OPN4: variants seen among roughly 807,000 people sequenced by gnomAD.
OPN4 encodes the protein melanopsin.
OPN4 carries 43 observed loss-of-function variants against 49.5 expected under a neutral mutation model. That is an observed-to-expected ratio of 0.87 (90% CI 0.68 to 1.12). OPN4 has a LOEUF of 1.12. Among genes scored for constraint, OPN4 ranks in the 50% most tolerant of loss-of-function variants. The pLI is 0.00. For synonymous variants in OPN4, 263 were observed against 258.0 expected (o/e 1.02, Z -0.19); for missense variants, 657 against 643.9 (o/e 1.02, Z -0.22).
At position 86,665,798 on chromosome 10, in the gene OPN4, C is replaced by G. The variant is rs2803554; in HGVS notation, c.*47C>G. 11,761 of 1,474,168 alleles carry G rather than the reference C, an allele frequency of 8.0e-3. 692 individuals carry two copies. The African/African-American group carries it at 0.13, about 17-fold the overall frequency. The allele number at this position is 1,474,168 out of a possible 1,614,324, so 91.3% of individuals were successfully genotyped here. A position where few individuals can be genotyped will look rare whatever the true frequency, so the allele number is the denominator to read the frequency against. On this transcript the variant is annotated 3_prime_UTR_variant, in exon 10 of 10. Coordinates refer to ENST00000241891, the MANE Select transcript of OPN4 (RefSeq NM_033282.4). ...TCTTCTGAGACACATCCAGCCCCCC[C>G]ACGTCTCCCTCATATACACAGACCC...
rs368621732 is a variant in OPN4 at position 86,662,432 on chromosome 10, G to A, written c.1254G>A (p.Val418=). 25 of 1,545,766 alleles carry A rather than the reference G, an allele frequency of 1.6e-5. No individual in the cohort carries two copies. In the African/African-American group the frequency reaches 3.1e-4, roughly 19 times the overall value. The change falls in exon 8 of 10, where the codon GTG becomes GTA. Residue 418 remains valine, a splice_region_variant and synonymous_variant. Coordinates refer to ENST00000241891, the MANE Select transcript of OPN4 (RefSeq NM_033282.4). ...AGTCCCTGGGCTCGGAGAGTGAGGTGGTAAGGATGCTGGGCCCTCACCAGC... is the reference window on the plus strand; with the variant it reads ...AGTCCCTGGGCTCGGAGAGTGAGGTAGTAAGGATGCTGGGCCCTCACCAGC... The part of the protein sequence containing the change: ...RQESLGSESE[V]GWTHMEAAAV...
At position 86,665,789 on chromosome 10, in the gene OPN4, C is replaced by T. The variant is rs757283399; in HGVS notation, c.*38C>T. On this transcript the variant is annotated 3_prime_UTR_variant, in exon 10 of 10. Transcript: ENST00000241891. ...CTCTCCCTTTCTTCTGAGACACATC[C>T]AGCCCCCCCACGTCTCCCTCATATA... 4 of 1,554,284 alleles carry T rather than the reference C, an allele frequency of 2.6e-6. No homozygotes were observed. The highest frequency in any genetic ancestry group is 3.5e-6 in the Non-Finnish European group (4 of 1,126,806).
In OPN4 at chr10:86,658,672, C is replaced by T. The variant is rs747804720; in HGVS notation, c.613C>T (p.Pro205Ser). 5.0e-6 allele frequency: 8 copies of T among 1,612,626 alleles called. No individual in the cohort carries two copies. In the African/African-American group the frequency reaches 9.3e-5, roughly 19 times the overall value. Residue 205 changes from proline to serine, a missense_variant, in exon 4 of 10, where the codon CCC (proline) becomes TCC (serine). Physicochemically the swap from Pro to Ser is moderately conservative, Grantham distance 74. Transcript: ENST00000241891. ...CTATGCCCTGGCCTGGAGTCTGCCA[C>T]CCTTCTTCGGCTGGAGTAAGTGGGC... ...WLYALAWSLP[P>S]FFGWSAYVPE...
intron 5 of OPN4, 79 bp downstream of exon 5, chr10:86,659,547 C>T (rs866079382): frequency 2.0e-5 from 31 of 1,521,724 alleles, no homozygotes; most frequent in Non-Finnish European, 2.6e-5. Context: ...ACCACTCACA[C>T]CTGCACCAGC....
At chr10:86,657,548 C>T (rs573243612) in intron 2 of OPN4, among the ~76,000 whole-genome samples, 192 of 152,154 alleles carry the variant, frequency 1.3e-3, no homozygotes, top group African/African-American at 4.5e-3. Flanking sequence ...AGGAGGGAAG[C>T]GTGAGAAGCC....
At chr10:86,657,995 T>A in intron 2 of OPN4, 37 bp from the exon 3 acceptor site, 1 of 1,601,592 alleles carries the variant, frequency 6.2e-7, no homozygotes, top group Admixed American at 1.7e-5. Flanking sequence ...TCTGGAGGTG[T>A]CAGGAAGCGC....
chr10:86,660,096 G>C, intron 6 of OPN4, 37 bp downstream of exon 6: 2 of 1,609,188 alleles, frequency 1.2e-6, no homozygotes, highest in South Asian at 2.2e-5. Flanking sequence ...AGAGGCTGAA[G>C]GTGTGGGGGC....
At position 86,662,336 on chromosome 10, in the gene OPN4, C is replaced by T; in HGVS notation, c.1158C>T (p.Arg386=). The part of the protein sequence containing the change: ...RRHSRPYPSY[R]STHRSTLTSH... The stretch of plus-strand genomic sequence containing the variant: ...ACAGTCGCCCCTACCCCAGCTACCG[C>T]TCCACCCACCGCTCCACGCTGACCA... The change falls in exon 8 of 10, where the codon CGC becomes CGT. Residue 386 remains arginine (R), a synonymous_variant. Coordinates refer to ENST00000241891, the MANE Select transcript of OPN4 (RefSeq NM_033282.4). 6.2e-7 allele frequency: 1 copy of T among 1,600,492 alleles called. No homozygotes were observed. Among genetic ancestry groups the T allele is most frequent in the Non-Finnish European group, 8.5e-7 (1 of 1,175,024 alleles).
In OPN4 at chr10:86,663,771, C is replaced by A. The variant is rs771260815; in HGVS notation, c.1367C>A (p.Pro456His). 9.0e-6 allele frequency: 14 copies of A among 1,558,236 alleles called. No homozygotes were observed. The highest frequency in any genetic ancestry group is 1.7e-4 in the Middle Eastern group (1 of 6,010). ...EDLEAKAPPRPQGHEAETPGK... is the reference protein window; with the variant it reads ...EDLEAKAPPRHQGHEAETPGK... ...TTGGAAGCCAAGGCACCCCCCAGAC[C>A]CCAGGGACACGAAGCAGAGACTCCA... Residue 456 changes from proline to histidine, a missense_variant, in exon 9 of 10, where the codon CCC becomes CAC. By Grantham distance (77) the Pro-to-His change is moderately conservative. Coordinates refer to ENST00000241891, the MANE Select transcript of OPN4 (RefSeq NM_033282.4).
intron 9 of OPN4, among the ~76,000 whole-genome samples, chr10:86,664,239 C>T (rs1030913530): frequency 2.6e-5 from 4 of 152,218 alleles, no homozygotes; most frequent in Admixed American, 2.6e-4. Flanking sequence ...CGTGACTAAG[C>T]ATGCCCTAAT....
chr10:86,655,915 T>C (rs1045848691), intron 1 of OPN4, among the ~76,000 whole-genome samples: 1 of 152,176 alleles, frequency 6.6e-6, no homozygotes, highest in African/African-American at 2.4e-5. Context: ...CAGCAGGTGA[T>C]CTGAGCCCAC....
chr10:86,658,725 G>A lies in OPN4; in HGVS notation c.628+38G>A, dbSNP rs750586389. 10 of 1,598,600 alleles carry A rather than the reference G, an allele frequency of 6.3e-6. No homozygotes were observed. In the South Asian group the frequency reaches 1.1e-4, roughly 18 times the overall value. On this transcript the variant is annotated intron_variant, in intron 4 of 9. Transcript: ENST00000241891. ...CTGGAACTGGAAGGGGGGCAGATGGGCTGGGAGGGGCACATTCAAGGGGAA... is the reference window on the plus strand; with the variant it reads ...CTGGAACTGGAAGGGGGGCAGATGGACTGGGAGGGGCACATTCAAGGGGAA...
chr10:86,659,081 GT>G (rs1467816012), intron 4 of OPN4, among the ~76,000 whole-genome samples: 1 of 152,234 alleles, frequency 6.6e-6, no homozygotes, highest in African/African-American at 2.4e-5. Context: ...AAACCTTGAA[GT>G]TATGGTGAGC....
At chr10:86,654,992 C>A (rs771963534) in intron 1 of OPN4, 65 bp downstream of exon 1, 9 of 1,515,608 alleles carry the variant, frequency 5.9e-6, no homozygotes, top group Non-Finnish European at 8.1e-6. Flanking sequence ...CCCCTCCTGG[C>A]CACACACAGG....
chr10:86,659,263 G>A (rs770602396), intron 4 of OPN4, 34 bp from the exon 5 acceptor site: 49 of 1,573,326 alleles, frequency 3.1e-5, no homozygotes, highest in Middle Eastern at 1.7e-4. Flanking sequence ...GGTCAGTGCC[G>A]CCCCAAAGGC....
chr10:86,659,609 G>A (rs746711942), intron 5 of OPN4, 141 bp downstream of exon 5: 365 of 1,237,330 alleles, frequency 2.9e-4, no homozygotes, highest in Non-Finnish European at 3.2e-4. Context: ...TGCTTATGGG[G>A]CAGCAGTGTC....
intron 2 of OPN4, among the ~76,000 whole-genome samples, chr10:86,656,944 C>CAAAA (rs10718951): frequency 2.7e-5 from 2 of 73,422 alleles, no homozygotes; most frequent in Non-Finnish European, 5.1e-5. Flanking sequence ...GACTCCATCT[C>CAAAA]AAAAAAAAAA....
chr10:86,659,235 T>A, intron 4 of OPN4, 62 bp from the exon 5 acceptor site: 1 of 1,375,024 alleles, frequency 7.3e-7, no homozygotes, highest in Non-Finnish European at 1.0e-6. Flanking sequence ...ACAAAGCTCC[T>A]GCCAGATAAG....
chr10:86,658,427 T>A, intron 3 of OPN4, 57 bp from the exon 4 acceptor site: 1 of 1,574,180 alleles, frequency 6.4e-7, no homozygotes, highest in Non-Finnish European at 8.7e-7. Flanking sequence ...CAGAGCAGAG[T>A]CTACCCTGTC....
Sources: gnomAD v4.1 joint callset for allele counts (sites outside exome capture counted in the v4.1 genomes callset) on GRCh38, gnomAD v4.1.1 for gene constraint, MANE v1.5 for transcripts, NCBI Gene and HGNC (gene_info 2026-07-23, HGNC 2026-07-21) for gene names.